NGLY1: variants seen among roughly 807,000 people sequenced by gnomAD.
NGLY1 encodes the protein N-glycanase 1.
A neutral mutation model predicts 84.6 loss-of-function variants in NGLY1; 68 were observed. The ratio of observed to expected loss-of-function variants is 0.80; its 90% confidence interval spans 0.66 to 0.98. The LOEUF is 0.98. Ranked by LOEUF, NGLY1 falls within the 50% of genes least tolerant of loss-of-function variation. The pLI, the probability that NGLY1 is intolerant of heterozygous loss-of-function variation, is 0.00. For synonymous variants in NGLY1, 280 were observed against 275.2 expected (o/e 1.02, Z -0.17); for missense variants, 779 against 770.2 (o/e 1.01, Z -0.14).
intron 6 of NGLY1, 95 bp from the exon 7 acceptor site, chr3:25,736,244 TA>T: frequency 6.4e-7 from 1 of 1,554,918 alleles, no homozygotes; most frequent in Non-Finnish European, 8.7e-7. Context: ...AATCATAAAG[TA>T]ATGCATAATA....
exon 1 of NGLY1, chr3:25,789,986 G>T: frequency 8.0e-7 from 1 of 1,254,226 alleles, no homozygotes; most frequent in East Asian, 2.5e-5. Flanking sequence ...AGGTGACGCG[G>T]CTTAAAGTCA....
At chr3:25,766,597 C>T (rs959003444) in intron 2 of NGLY1, among the ~76,000 whole-genome samples, 2 of 152,170 alleles carry the variant, frequency 1.3e-5, no homozygotes, top group African/African-American at 2.4e-5. Context: ...AATTGTAACA[C>T]AACGACTTTT....
intron 3 of NGLY1, among the ~76,000 whole-genome samples, chr3:25,762,952 C>A (rs1318872649): frequency 6.6e-6 from 1 of 151,870 alleles, no homozygotes; most frequent in Non-Finnish European, 1.5e-5. Flanking sequence ...GAAACTCCGT[C>A]TCAAAAAGAA....
At chr3:25,720,425 A>C (rs896756062) in intron 10 of NGLY1, among the ~76,000 whole-genome samples, 8 of 152,194 alleles carry the variant, frequency 5.3e-5, no homozygotes, top group Non-Finnish European at 7.3e-5. Flanking sequence ...GTCCCCAAAA[A>C]GTGCAATTCT....
chr3:25,750,177 T>C (rs1342431429), intron 4 of NGLY1, among the ~76,000 whole-genome samples: 2 of 152,112 alleles, frequency 1.3e-5, no homozygotes, highest in Non-Finnish European at 2.9e-5. Flanking sequence ...AAACGCCAGA[T>C]GCTTATAAAA....
At chr3:25,788,006 C>CA (rs1187023253), upstream of NGLY1, among the ~76,000 whole-genome samples, 1 of 152,218 alleles carries the variant, frequency 6.6e-6, no homozygotes, top group Non-Finnish European at 1.5e-5. Context: ...CGAGGTAGCA[C>CA]AGACCTCATT....
chr3:25,744,922 T>C (rs1351489873), intron 4 of NGLY1, among the ~76,000 whole-genome samples: 3 of 152,190 alleles, frequency 2.0e-5, no homozygotes, highest in Non-Finnish European at 2.9e-5. Flanking sequence ...TCTTTGATGA[T>C]AGCTCACCAT....
At chr3:25,749,398 A>G in intron 4 of NGLY1, 1 of 762,290 alleles carries the variant, frequency 1.3e-6, no homozygotes, top group Non-Finnish European at 2.2e-6. Flanking sequence ...ATATATACAT[A>G]AACAGGACAT....
In NGLY1 at chr3:25,739,673, C is replaced by CTA; in HGVS notation, c.783_784dup (p.Arg262IlefsTer11). 6.2e-7 allele frequency: 1 copy of CTA among 1,614,130 alleles called. No individual in the cohort carries two copies. On this transcript the variant is annotated frameshift_variant, in exon 5 of 12. Coordinates refer to ENST00000280700, the MANE Select transcript of NGLY1 (RefSeq NM_018297.4). LOFTEE classifies it high-confidence loss of function. ...CTCATCATCACTGGGCAGTAATGAT[C>CTA]TATCTCTAGACCTAGTCTGTCCACC...
At chr3:25,787,601 A>T (rs1177415434), upstream of NGLY1, among the ~76,000 whole-genome samples, 1 of 152,230 alleles carries the variant, frequency 6.6e-6, no homozygotes, top group Non-Finnish European at 1.5e-5. Context: ...GAGGAGTAAG[A>T]GAGACTCCAG....
chr3:25,783,702 G>A (rs1708535578), upstream of NGLY1, among the ~76,000 whole-genome samples: 1 of 147,456 alleles, frequency 6.8e-6, no homozygotes, highest in South Asian at 2.2e-4. The surrounding 1 kb of genome is among the most constrained non-coding windows in gnomAD (Gnocchi z 4.5). Context: ...GGGGCTGTTC[G>A]GAAGAAGGTG....
intron 2 of NGLY1, among the ~76,000 whole-genome samples, chr3:25,776,768 A>C (rs926043460): frequency 2.0e-5 from 3 of 152,198 alleles, no homozygotes; most frequent in African/African-American, 7.2e-5. Context: ...CTAAATCACC[A>C]GTAAGTCCTG....
intron 10 of NGLY1, among the ~76,000 whole-genome samples, 184 bp downstream of exon 10, chr3:25,728,949 G>A (rs1238692271): frequency 6.6e-6 from 1 of 151,968 alleles, no homozygotes; most frequent in Non-Finnish European, 1.5e-5. Context: ...TGATATAAAT[G>A]CAAGAATTTC....
intron 10 of NGLY1, among the ~76,000 whole-genome samples, chr3:25,726,230 A>AC (rs1347922326): frequency 2.0e-5 from 3 of 152,210 alleles, no homozygotes; most frequent in African/African-American, 7.2e-5. Context: ...TATGCCACGT[A>AC]CATTTTTACA....
intron 4 of NGLY1, among the ~76,000 whole-genome samples, chr3:25,742,980 T>A (rs1321034336): frequency 6.7e-6 from 1 of 149,718 alleles, no homozygotes; most frequent in African/African-American, 2.5e-5. Flanking sequence ...GTGGATAAAT[T>A]CAATCACAAT....
At chr3:25,763,954 A>G in intron 3 of NGLY1, 112 bp downstream of exon 3, 1 of 1,394,122 alleles carries the variant, frequency 7.2e-7, no homozygotes, top group African/African-American at 1.4e-5. Flanking sequence ...TATAAGAACT[A>G]AGAACAAAAT....
intron 6 of NGLY1, chr3:25,737,070 A>G (rs1575619493): frequency 6.5e-6 from 2 of 307,258 alleles, no homozygotes; most frequent in Non-Finnish European, 1.2e-5. Flanking sequence ...ATGTACATCT[A>G]TTATGCATCA....
At chr3:25,745,025 T>C (rs1323991571) in intron 4 of NGLY1, among the ~76,000 whole-genome samples, 3 of 152,214 alleles carry the variant, frequency 2.0e-5, no homozygotes, top group Non-Finnish European at 2.9e-5. Flanking sequence ...CTAATCCTAA[T>C]TGATATACTC....
intron 2 of NGLY1, among the ~76,000 whole-genome samples, chr3:25,774,969 T>C (rs573993075): frequency 1.7e-3 from 257 of 152,292 alleles, no homozygotes; most frequent in African/African-American, 5.8e-3. Flanking sequence ...GCCTGCAGGC[T>C]CTTCTCGCTG....
Sources: gnomAD v4.1 joint callset for allele counts (sites outside exome capture counted in the v4.1 genomes callset) on GRCh38, gnomAD v4.1.1 for gene constraint, Gnocchi (gnomAD v3.1) non-coding constraint, MANE v1.5 for transcripts, NCBI Gene and HGNC (gene_info 2026-07-23, HGNC 2026-07-21) for gene names.